The following ACSL3 variants were observed in gnomAD, a reference collection of about 807,000 sequenced individuals.
ACSL3 encodes the protein fatty acid CoA ligase Acsl3.
ACSL3 carries 34 observed loss-of-function variants against 84.7 expected under a neutral mutation model. That is an observed-to-expected ratio of 0.40 (90% CI 0.31 to 0.53). The LOEUF is 0.53. Among genes scored for constraint, ACSL3 ranks in the 20% least tolerant of loss-of-function variants. The pLI is 0.48. For missense variants in ACSL3, 680 were observed against 873.1 expected, an observed-to-expected ratio of 0.78 and a Z score of 2.79; for synonymous variants, 315 against 299.4, an observed-to-expected ratio of 1.05 and a Z score of -0.54.
chr2:222,905,441 A>G (rs571176716), intron 3 of ACSL3, among the ~76,000 whole-genome samples: 34 of 152,204 alleles, frequency 2.2e-4, no homozygotes, highest in Non-Finnish European at 4.1e-4. Flanking sequence ...GATTACAGGC[A>G]TGAGCCACCA....
At chr2:222,929,638 C>T (rs1426937162) in intron 13 of ACSL3, among the ~76,000 whole-genome samples, 2 of 151,816 alleles carry the variant, frequency 1.3e-5, no homozygotes, top group South Asian at 2.1e-4. Context: ...ATTAGCCAGG[C>T]GTGGTGGTGC....
At position 222,933,249 on chromosome 2, in the gene ACSL3, C is replaced by T. The variant is rs754113150; in HGVS notation, c.1816C>T (p.Leu606=). 2 of 1,613,374 alleles carry T rather than the reference C, an allele frequency of 1.2e-6. No homozygotes were observed. Among genetic ancestry groups the T allele is most frequent in the Non-Finnish European group, 1.7e-6 (2 of 1,179,656 alleles). Residue 606 remains leucine, a synonymous_variant, in exon 15 of 17, where the codon CTA becomes TTA. Coordinates refer to ENST00000357430, the MANE Select transcript of ACSL3 (RefSeq NM_004457.5). ...AGAGGCAGCTTTGAAGAATCTTCCA[C>T]TAGTAGATAACATTTGTGCATATGC... The part of the protein sequence containing the change: ...KVEAALKNLP[L]VDNICAYANS...
In ACSL3 at chr2:222,908,982, T is replaced by C. The variant is rs1696369519; in HGVS notation, c.210T>C (p.Ser70=). ...CAAAACCTGATTCTGCATACAGATC[T>C]GTTAATAGTTTGGATGGTTTGGCTT... ...VNSKPDSAYR[S]VNSLDGLASV... is the part of the protein sequence containing the mutation. The change falls in exon 4 of 17, where the codon TCT becomes TCC. Residue 70 remains serine, a synonymous_variant. Coordinates refer to ENST00000357430, the MANE Select transcript of ACSL3 (RefSeq NM_004457.5). 2 of 1,613,674 alleles carry C rather than the reference T, an allele frequency of 1.2e-6. No individual in the cohort carries two copies. The highest frequency in any genetic ancestry group is 3.3e-5 in the Admixed American group (2 of 59,964).
chr2:222,880,781 G>C (rs1695571906), intron 1 of ACSL3, among the ~76,000 whole-genome samples: 1 of 147,568 alleles, frequency 6.8e-6, no homozygotes, highest in African/African-American at 2.5e-5. Context: ...AGTGAGCAGA[G>C]TTCACGCCAC....
intron 3 of ACSL3, among the ~76,000 whole-genome samples, chr2:222,904,288 C>A (rs369105395): frequency 1.3e-4 from 14 of 106,752 alleles, no homozygotes; most frequent in African/African-American, 2.5e-4. Flanking sequence ...CAAAACAAAA[C>A]AAAACAAAAA....
At chr2:222,866,867 C>G (rs1695161859) in intron 1 of ACSL3, among the ~76,000 whole-genome samples, 1 of 132,958 alleles carries the variant, frequency 7.5e-6, no homozygotes, top group African/African-American at 2.7e-5. Flanking sequence ...CAGAGTCTTG[C>G]TCTGTCACCT....
chr2:222,920,678 A>G (rs1186221385), intron 7 of ACSL3, among the ~76,000 whole-genome samples: 1 of 152,160 alleles, frequency 6.6e-6, no homozygotes, highest in Non-Finnish European at 1.5e-5. Context: ...TTTCACAGAT[A>G]ATAACATACT....
chr2:222,934,923 T>C (rs1559304509), intron 16 of ACSL3, among the ~76,000 whole-genome samples: 1 of 152,224 alleles, frequency 6.6e-6, no homozygotes, highest in Non-Finnish European at 1.5e-5. Flanking sequence ...CAACCTTTGC[T>C]TTCTGGGTTA....
At chr2:222,935,057 T>G (rs1188002819) in intron 16 of ACSL3, among the ~76,000 whole-genome samples, 1 of 152,228 alleles carries the variant, frequency 6.6e-6, no homozygotes, top group Non-Finnish European at 1.5e-5. Context: ...GGTAGTTGGT[T>G]GTACTAATAG....
intron 4 of ACSL3, among the ~76,000 whole-genome samples, chr2:222,913,072 T>C (rs1455376260): frequency 6.6e-6 from 1 of 152,206 alleles, no homozygotes; most frequent in Non-Finnish European, 1.5e-5. Flanking sequence ...ACAAGCTGGC[T>C]CATATACTTT....
Position 222,909,066 on chromosome 2 carries a change from A to G in ACSL3, c.294A>G (p.Lys98=). 3 of 1,612,196 alleles carry G rather than the reference A, an allele frequency of 1.9e-6. 1 individual carries two copies. Among genetic ancestry groups the G allele is most frequent in the Non-Finnish European group, 2.5e-6 (3 of 1,179,472 alleles). Residue 98 remains lysine, a synonymous_variant, in exon 4 of 17, where the codon AAA becomes AAG. Coordinates refer to ENST00000357430, the MANE Select transcript of ACSL3 (RefSeq NM_004457.5). ...AAGTTTTTACATATGCAAAAAACAA[A>G]TTTAAGAACAAAAGACTCTTGGGAA... The part of the protein sequence containing the change: ...LDKVFTYAKN[K]FKNKRLLGTR...
chr2:222,935,444 G>A (rs1697146853), intron 16 of ACSL3, among the ~76,000 whole-genome samples: 1 of 152,176 alleles, frequency 6.6e-6, no homozygotes, highest in Admixed American at 6.5e-5. Flanking sequence ...CTAGGCTGCA[G>A]CGATCCTCCC....
Position 222,942,013 on chromosome 2 carries a change from A to G in ACSL3, c.*359A>G, listed in dbSNP as rs1559307970. 3 of 230,638 alleles carry G rather than the reference A, an allele frequency of 1.3e-5. No homozygotes were observed. The highest frequency in any genetic ancestry group is 2.6e-5 in the Non-Finnish European group (3 of 116,694). The allele number at this position is 230,638 out of a possible 1,614,324, so 14.3% of individuals were successfully genotyped here. Reference sequence around the variant, plus strand: ...TGTAACTTTTTAAAAGTTTGGATGTATAGAGGGATAAATAGGAAATATAAG... The same window carrying G: ...TGTAACTTTTTAAAAGTTTGGATGTGTAGAGGGATAAATAGGAAATATAAG... On this transcript the variant is annotated 3_prime_UTR_variant, in exon 17 of 17. Transcript: ENST00000357430.
At chr2:222,874,866 G>T (rs1230581150) in intron 1 of ACSL3, among the ~76,000 whole-genome samples, 1 of 151,856 alleles carries the variant, frequency 6.6e-6, no homozygotes, top group East Asian at 1.9e-4. Flanking sequence ...CCAGTACTCA[G>T]GAGGCAGAGA....
chr2:222,877,729 A>G (rs1327576028), intron 1 of ACSL3, among the ~76,000 whole-genome samples: 1 of 152,168 alleles, frequency 6.6e-6, no homozygotes, highest in African/African-American at 2.4e-5. Flanking sequence ...AGAAATTTGG[A>G]TGGAACACTA....
At chr2:222,934,206 G>A (rs1309920993) in intron 15 of ACSL3, among the ~76,000 whole-genome samples, 1 of 151,298 alleles carries the variant, frequency 6.6e-6, no homozygotes, top group Non-Finnish European at 1.5e-5. Flanking sequence ...TACTGATAGG[G>A]TTTAAAGGTG....
chr2:222,884,208 C>T (rs889945034), intron 1 of ACSL3, among the ~76,000 whole-genome samples: 1 of 152,118 alleles, frequency 6.6e-6, no homozygotes, highest in African/African-American at 2.4e-5. Flanking sequence ...CATTTGGCAC[C>T]AGGTTTAATA....
chr2:222,872,246 T>C (rs1041238403), intron 1 of ACSL3, among the ~76,000 whole-genome samples: 1 of 152,126 alleles, frequency 6.6e-6, no homozygotes, highest in Non-Finnish European at 1.5e-5. Context: ...TGCCTCAGCC[T>C]CTCGAGTAGC....
chr2:222,938,050 C>G (rs907284203), intron 16 of ACSL3, among the ~76,000 whole-genome samples: 1 of 152,116 alleles, frequency 6.6e-6, no homozygotes, highest in Admixed American at 6.5e-5. Flanking sequence ...CTTAATCTTC[C>G]GTCTCATATA....
Sources: gnomAD v4.1 joint callset for allele counts (sites outside exome capture counted in the v4.1 genomes callset) on GRCh38, gnomAD v4.1.1 for gene constraint, MANE v1.5 for transcripts, NCBI Gene and HGNC (gene_info 2026-07-23, HGNC 2026-07-21) for gene names.